Variants in NTM observed in about 807,000 individuals in gnomAD.
NTM encodes neurotrimin, also known as IgLON family member 2.
NTM carries 13 observed loss-of-function variants against 42.1 expected under a neutral mutation model. The observed-to-expected ratio is 0.31, with a 90% confidence interval of 0.20 to 0.49. The LOEUF (loss-of-function observed/expected upper bound fraction) is 0.49, where lower values mean the gene tolerates loss of function less well. NTM is among the 20% of genes least tolerant of loss of function. NTM has a pLI of 0.99. For missense variants in NTM, 373 were observed against 452.8 expected (o/e 0.82, Z 1.60); for synonymous variants, 187 against 179.2 (o/e 1.04, Z -0.35).
At chr11:132,243,820 G>C (rs2090609928) in intron 4 of NTM, among the ~76,000 whole-genome samples, 1 of 152,282 alleles carries the variant, frequency 6.6e-6, no homozygotes, top group Non-Finnish European at 1.5e-5. Context: ...TCCACAAGAG[G>C]GCTATGCAGC....
chr11:131,701,744 G>A (rs2076093377), intron 1 of NTM, among the ~76,000 whole-genome samples: 1 of 152,044 alleles, frequency 6.6e-6, no homozygotes, highest in Non-Finnish European at 1.5e-5. Flanking sequence ...GGGGTCCTAG[G>A]GCATGAGGGC....
intron 2 of NTM, among the ~76,000 whole-genome samples, chr11:132,040,265 T>C (rs1008477442): frequency 2.0e-5 from 3 of 152,158 alleles, no homozygotes; most frequent in African/African-American, 7.2e-5. Flanking sequence ...ATATTATAGT[T>C]GCTTATTATT....
chr11:132,308,387 A>C (rs2095168992), intron 5 of NTM, among the ~76,000 whole-genome samples: 1 of 152,230 alleles, frequency 6.6e-6, no homozygotes. Context: ...AGAGATACAG[A>C]ATCCAAAAAG....
chr11:132,107,854 T>A (rs1049103283), intron 2 of NTM, among the ~76,000 whole-genome samples: 4 of 152,172 alleles, frequency 2.6e-5, no homozygotes, highest in African/African-American at 9.7e-5. Context: ...GTTGTCATGC[T>A]AAAGACTTCA....
chr11:132,314,475 A>C, intron 6 of NTM, 77 bp from the exon 7 acceptor site: 1 of 1,473,856 alleles, frequency 6.8e-7, no homozygotes, highest in Non-Finnish European at 9.0e-7. Flanking sequence ...AAGACCAGGA[A>C]TCCCTGGGCC....
chr11:132,058,456 T>C (rs1374576169), intron 2 of NTM, among the ~76,000 whole-genome samples: 1 of 152,138 alleles, frequency 6.6e-6, no homozygotes, highest in African/African-American at 2.4e-5. Context: ...TTCTGTTTGG[T>C]GTAGAGATTT....
At chr11:131,967,880 A>G (rs1315602346) in intron 2 of NTM, among the ~76,000 whole-genome samples, 4 of 152,178 alleles carry the variant, frequency 2.6e-5, no homozygotes, top group African/African-American at 4.8e-5. Context: ...ACTGGTCAGC[A>G]TGTTCAGAAT....
chr11:131,749,403 AG>A (rs2082203313), intron 1 of NTM, among the ~76,000 whole-genome samples: 1 of 152,242 alleles, frequency 6.6e-6, no homozygotes, highest in African/African-American at 2.4e-5. Context: ...GCACAGAGTG[AG>A]CATCTAAAAA....
chr11:131,720,739 A>C (rs2078233628), intron 1 of NTM, among the ~76,000 whole-genome samples: 1 of 152,158 alleles, frequency 6.6e-6, no homozygotes, highest in Non-Finnish European at 1.5e-5. Flanking sequence ...TAGTGGTTAC[A>C]ACTTCCAACT....
chr11:131,712,165 T>A (rs534787515), intron 1 of NTM, among the ~76,000 whole-genome samples: 3,513 of 128,246 alleles, frequency 0.027, 133 homozygotes, highest in African/African-American at 0.093. Context: ...AAATAAAAAT[T>A]AAAAAATTAA....
In NTM at chr11:131,506,419, T is replaced by A. The variant is rs138947934; in HGVS notation, c.82+135531T>A. ...TCTCCATCGGGAGCACTAATGGGAT[T>A]CTAATACCCTGGCAAATGGGATTTT... On this transcript the variant is annotated intron_variant, in intron 1 of 8. Coordinates refer to ENST00000683400, the MANE Select transcript of NTM (RefSeq NM_001352005.2). 3.1e-3 allele frequency among the ~76,000 whole-genome samples: 474 copies of A among 152,294 alleles called. 2 individuals carry two copies. The highest frequency in any genetic ancestry group is 0.017 in the Middle Eastern group (5 of 294).
At chr11:131,385,753 G>C (rs1943240027) in intron 1 of NTM, among the ~76,000 whole-genome samples, 5 of 152,080 alleles carry the variant, frequency 3.3e-5, no homozygotes, top group African/African-American at 1.2e-4. Flanking sequence ...TCTACTCAGG[G>C]GGCTGAAGTG....
chr11:131,394,630 A>G (rs1366578757), intron 1 of NTM, among the ~76,000 whole-genome samples: 1 of 152,130 alleles, frequency 6.6e-6, no homozygotes, highest in Non-Finnish European at 1.5e-5. Flanking sequence ...GCTAGGAGAA[A>G]AGCTGGCATC....
chr11:131,791,141 T>C (rs2090876595), intron 1 of NTM, among the ~76,000 whole-genome samples: 1 of 152,174 alleles, frequency 6.6e-6, no homozygotes, highest in African/African-American at 2.4e-5. Context: ...AGTCCAATGA[T>C]TTTTGCATAA....
intron 1 of NTM, among the ~76,000 whole-genome samples, chr11:131,712,439 G>A (rs2077271125): frequency 6.6e-6 from 1 of 152,036 alleles, no homozygotes; most frequent in Non-Finnish European, 1.5e-5. Flanking sequence ...ATACACTAGA[G>A]ATAAATAGTA....
chr11:132,197,042 G>A (rs2080337278), intron 3 of NTM, among the ~76,000 whole-genome samples: 1 of 152,144 alleles, frequency 6.6e-6, no homozygotes, highest in African/African-American at 2.4e-5. Flanking sequence ...GGAAACCATG[G>A]GTATCTGATA....
At chr11:132,197,152 G>A (rs1021831524) in intron 3 of NTM, among the ~76,000 whole-genome samples, 9 of 152,128 alleles carry the variant, frequency 5.9e-5, no homozygotes, top group Admixed American at 2.6e-4. Flanking sequence ...TGACATTAAG[G>A]AGGAGTAGCC....
chr11:131,637,105 GTACACAAGCTGTC>G (rs1409570915), intron 1 of NTM, among the ~76,000 whole-genome samples: 5 of 152,044 alleles, frequency 3.3e-5, no homozygotes, highest in African/African-American at 9.7e-5. Flanking sequence ...GCCAACCTGG[GTACACAAGCTGTC>G]TACTCCATTT....
chr11:131,789,171 C>T (rs2089766007), intron 1 of NTM, among the ~76,000 whole-genome samples: 1 of 151,794 alleles, frequency 6.6e-6, no homozygotes, highest in Non-Finnish European at 1.5e-5. Flanking sequence ...CTTCTAGCTT[C>T]CTGTGTTGCC....
Sources: allele counts gnomAD v4.1 joint callset (sites outside exome capture counted in the v4.1 genomes callset), GRCh38; gene constraint gnomAD v4.1.1; transcripts MANE v1.5; gene names NCBI Gene and HGNC (gene_info 2026-07-23, HGNC 2026-07-21).